CRIM1: variants seen among roughly 807,000 people sequenced by gnomAD.
The protein encoded by CRIM1 is cysteine rich transmembrane BMP regulator 1, also known as cysteine-rich motor neuron 1 protein.
CRIM1 carries 32 observed loss-of-function variants against 116.4 expected under a neutral mutation model. That is an observed-to-expected ratio of 0.27 (90% CI 0.21 to 0.37). The LOEUF is 0.37. CRIM1 is among the 10% of genes least tolerant of loss of function. The pLI, the probability that CRIM1 is intolerant of heterozygous loss-of-function variation, is 1.00. For synonymous variants in CRIM1, 590 were observed against 509.2 expected, an observed-to-expected ratio of 1.16 and a Z score of -2.13; for missense variants, 1,331 against 1,354.8, an observed-to-expected ratio of 0.98 and a Z score of 0.28.
chr2:36,527,275 A>G (rs1029858722), intron 13 of CRIM1, among the ~76,000 whole-genome samples: 1 of 152,112 alleles, frequency 6.6e-6, no homozygotes, highest in Non-Finnish European at 1.5e-5. Flanking sequence ...GTATCATTGA[A>G]GTGTTTTTAA....
At chr2:36,542,111 C>G (rs1004765278) in intron 14 of CRIM1, among the ~76,000 whole-genome samples, 2 of 152,074 alleles carry the variant, frequency 1.3e-5, no homozygotes, top group African/African-American at 4.8e-5. Flanking sequence ...GGATTTTAAT[C>G]AGAGCTGAAC....
At chr2:36,388,192 A>T (rs991321024) in intron 1 of CRIM1, among the ~76,000 whole-genome samples, 1 of 152,216 alleles carries the variant, frequency 6.6e-6, no homozygotes, top group African/African-American at 2.4e-5. Flanking sequence ...TTGTCAGTTC[A>T]TAGCCAATCC....
At chr2:36,492,638 T>A (rs374713496) in intron 7 of CRIM1, among the ~76,000 whole-genome samples, 2 of 152,204 alleles carry the variant, frequency 1.3e-5, no homozygotes, top group East Asian at 3.8e-4. Context: ...TTGAAAAGCA[T>A]CTGTGTTAAC....
At chr2:36,537,918 C>A (rs1666666334) in intron 14 of CRIM1, among the ~76,000 whole-genome samples, 2 of 152,184 alleles carry the variant, frequency 1.3e-5, no homozygotes, top group South Asian at 4.1e-4. Flanking sequence ...TGCTTAAAAG[C>A]CATTACACTG....
At chr2:36,391,413 C>T (rs536246215) in intron 1 of CRIM1, among the ~76,000 whole-genome samples, 2 of 152,186 alleles carry the variant, frequency 1.3e-5, no homozygotes, top group Admixed American at 1.3e-4. Context: ...CAAGCGTGAG[C>T]CACCGCGCCC....
At chr2:36,411,126 T>A (rs920325989) in intron 2 of CRIM1, among the ~76,000 whole-genome samples, 3 of 152,260 alleles carry the variant, frequency 2.0e-5, no homozygotes, top group Admixed American at 6.5e-5. Flanking sequence ...TTACATGTTC[T>A]TGGTGCCCTT....
intron 7 of CRIM1, among the ~76,000 whole-genome samples, chr2:36,497,358 T>A (rs190903544): frequency 2.0e-5 from 3 of 152,254 alleles, no homozygotes; most frequent in East Asian, 3.9e-4. Context: ...CTCTCATATT[T>A]GTGGTTAGAG....
intron 2 of CRIM1, among the ~76,000 whole-genome samples, chr2:36,426,552 G>A (rs752633269): frequency 1.3e-5 from 2 of 152,134 alleles, no homozygotes; most frequent in Non-Finnish European, 2.9e-5. Flanking sequence ...GTATGTCCAA[G>A]TAGAACTAGG....
intron 1 of CRIM1, among the ~76,000 whole-genome samples, chr2:36,373,838 T>C (rs1670113596): frequency 6.6e-6 from 1 of 152,216 alleles, no homozygotes; most frequent in African/African-American, 2.4e-5. Flanking sequence ...GTGCGTGTCC[T>C]GGTAGTCTGT....
chr2:36,392,355 C>A (rs2148365795), intron 1 of CRIM1, among the ~76,000 whole-genome samples: 1 of 152,276 alleles, frequency 6.6e-6, no homozygotes, highest in African/African-American at 2.4e-5. Context: ...CAGTTGTCTT[C>A]ACCTTTCAGG....
intron 2 of CRIM1, among the ~76,000 whole-genome samples, chr2:36,418,510 C>T (rs1010267893): frequency 1.8e-4 from 28 of 152,192 alleles, no homozygotes; most frequent in African/African-American, 6.5e-4. Flanking sequence ...TGGTCTTGAA[C>T]TCCTGGGCTC....
At chr2:36,393,331 C>A (rs1271014853) in intron 1 of CRIM1, among the ~76,000 whole-genome samples, 1 of 151,824 alleles carries the variant, frequency 6.6e-6, no homozygotes. Context: ...TAAACATGTT[C>A]TTTATATTAT....
At chr2:36,372,599 A>G (rs1670015641) in intron 1 of CRIM1, among the ~76,000 whole-genome samples, 1 of 152,200 alleles carries the variant, frequency 6.6e-6, no homozygotes. Flanking sequence ...TCCTGGATAT[A>G]AGTTCAGGTA....
chr2:36,407,403 G>A (rs892030625), intron 2 of CRIM1, among the ~76,000 whole-genome samples: 2 of 152,080 alleles, frequency 1.3e-5, no homozygotes, highest in Non-Finnish European at 2.9e-5. Context: ...TTTTATTTAC[G>A]TTGACAGTTA....
chr2:36,507,545 G>T (rs1681518156), intron 8 of CRIM1, among the ~76,000 whole-genome samples: 1 of 152,176 alleles, frequency 6.6e-6, no homozygotes, highest in South Asian at 2.1e-4. Flanking sequence ...CTATTGGGAA[G>T]CTGAATGTAG....
intron 13 of CRIM1, among the ~76,000 whole-genome samples, chr2:36,532,222 T>C (rs1666167430): frequency 6.6e-6 from 1 of 152,190 alleles, no homozygotes; most frequent in African/African-American, 2.4e-5. Context: ...GCAGTACCAT[T>C]GGAAGAGTTT....
chr2:36,501,522 CA>C (rs142437183), intron 8 of CRIM1, among the ~76,000 whole-genome samples: 2,237 of 152,088 alleles, frequency 0.015, 30 homozygotes, highest in Middle Eastern at 0.037. Flanking sequence ...AGTTCGAAAC[CA>C]GCCTGGGCAA....
chr2:36,382,410 A>G (rs1473064977), intron 1 of CRIM1, among the ~76,000 whole-genome samples: 1 of 152,246 alleles, frequency 6.6e-6, no homozygotes, highest in Non-Finnish European at 1.5e-5. Context: ...TGCTGAGTAA[A>G]TTAACTTCTG....
intron 3 of CRIM1, among the ~76,000 whole-genome samples, chr2:36,442,122 T>C (rs1195103192): frequency 6.6e-6 from 1 of 152,220 alleles, no homozygotes; most frequent in African/African-American, 2.4e-5. Context: ...TCTAACATCC[T>C]TGCTCTTGTG....
Sources: gnomAD v4.1 joint callset for allele counts (sites outside exome capture counted in the v4.1 genomes callset) on GRCh38, gnomAD v4.1.1 for gene constraint, MANE v1.5 for transcripts, NCBI Gene and HGNC (gene_info 2026-07-23, HGNC 2026-07-21) for gene names.